EEPD1: variants seen among roughly 807,000 people sequenced by gnomAD.
EEPD1 encodes the protein endonuclease/exonuclease/phosphatase family domain-containing protein 1.
Under a neutral mutation model 46.3 loss-of-function variants are expected in EEPD1, and 17 were observed. The observed-to-expected ratio is 0.37, with a 90% CI of 0.25 to 0.55. The LOEUF (loss-of-function observed/expected upper bound fraction) is 0.55. EEPD1 is among the 20% of genes least tolerant of loss of function. The probability of loss-of-function intolerance (pLI) is 0.83; values close to 1 mark genes in which losing one functional copy is unlikely to be tolerated. For synonymous variants in EEPD1, 313 were observed against 315.6 expected, an observed-to-expected ratio of 0.99 and a Z score of 0.09; for missense variants, 673 against 745.6, an observed-to-expected ratio of 0.90 and a Z score of 1.13.
intron 2 of EEPD1, among the ~76,000 whole-genome samples, chr7:36,197,133 T>C (rs1208382127): frequency 1.4e-5 from 2 of 141,522 alleles, no homozygotes; most frequent in South Asian, 2.4e-4. Context: ...ACCCTCCGCC[T>C]GGCAACCGCC....
chr7:36,172,876 C>G (rs191012797), intron 2 of EEPD1, among the ~76,000 whole-genome samples: 1 of 133,454 alleles, frequency 7.5e-6, no homozygotes, highest in Non-Finnish European at 1.5e-5. Flanking sequence ...CTCAGACTTA[C>G]GACTAGTGTC....
chr7:36,282,835 A>C (rs1787281425), intron 4 of EEPD1, among the ~76,000 whole-genome samples: 1 of 152,222 alleles, frequency 6.6e-6, no homozygotes, highest in Non-Finnish European at 1.5e-5. Flanking sequence ...TTGTGGGCCC[A>C]ATGTGGCCAA....
intron 2 of EEPD1, among the ~76,000 whole-genome samples, chr7:36,219,777 G>A (rs1030337684): frequency 9.9e-6 from 1 of 101,484 alleles, no homozygotes; most frequent in African/African-American, 5.1e-5. Flanking sequence ...GAGAGAGAAA[G>A]AGAGAGAGAG....
chr7:36,279,935 C>A lies in EEPD1; in HGVS notation c.931-1180C>A, dbSNP rs543132932. 4.6e-5 allele frequency among the ~76,000 whole-genome samples: 7 copies of A among 152,230 alleles called. No homozygotes were observed. The East Asian group carries it at 9.7e-4, about 21-fold the overall frequency. On this transcript the variant is annotated intron_variant, in intron 3 of 7. Transcript: ENST00000242108. ...GACTTCTTAGAAGCTATGCCAGTGA[C>A]CCCCGTGAGAGAAGACAGGACTCTG...
At chr7:36,265,227 C>T (rs1186449757) in intron 3 of EEPD1, among the ~76,000 whole-genome samples, 2 of 152,246 alleles carry the variant, frequency 1.3e-5, no homozygotes, top group African/African-American at 2.4e-5. Context: ...ACTCTGGCTT[C>T]TTCACAGAAA....
rs570982952 is a variant in EEPD1 at position 36,167,764 on chromosome 7, G to T, written c.878+12562G>T. On this transcript the variant is annotated intron_variant, in intron 2 of 7. Transcript: ENST00000242108. ...AGAGTCTCTCTCTGTGGCCCAGGCT[G>T]AAGTGCAGTGGCGCCATCTCAGCTC... is the stretch of plus-strand genomic sequence containing the variant. 7.2e-5 allele frequency among the ~76,000 whole-genome samples: 11 copies of T among 152,252 alleles called. No homozygotes were observed. In the East Asian group the frequency reaches 2.1e-3, roughly 29 times the overall value.
chr7:36,197,270 G>C (rs553086052), intron 2 of EEPD1, among the ~76,000 whole-genome samples: 3 of 142,410 alleles, frequency 2.1e-5, no homozygotes, highest in African/African-American at 8.4e-5. Flanking sequence ...CCGGGCAGCC[G>C]CCCCGTCCGG....
At chr7:36,188,945 A>G (rs1562679196) in intron 2 of EEPD1, among the ~76,000 whole-genome samples, 1 of 152,202 alleles carries the variant, frequency 6.6e-6, no homozygotes, top group Non-Finnish European at 1.5e-5. Context: ...ATTATAAGTT[A>G]TTAGTGAATA....
intron 3 of EEPD1, among the ~76,000 whole-genome samples, chr7:36,251,039 T>C (rs1352520861): frequency 6.6e-6 from 1 of 152,216 alleles, no homozygotes; most frequent in Non-Finnish European, 1.5e-5. Flanking sequence ...GACAATATCA[T>C]GTCCCACTGG....
intron 5 of EEPD1, among the ~76,000 whole-genome samples, chr7:36,285,382 G>A (rs1182279380): frequency 2.0e-5 from 3 of 152,138 alleles, no homozygotes; most frequent in Non-Finnish European, 2.9e-5. Flanking sequence ...TGGGTTTGGA[G>A]GGGATTCAGG....
rs140756087 is a variant in EEPD1 at position 36,281,147 on chromosome 7, C to T, written c.963C>T (p.Pro321=). ...CGGAGCTAAACCAGCCGACCCTGCCCAACATCCGCAAGTGGAAGGGGCCCC... is the reference window on the plus strand; with the variant it reads ...CGGAGCTAAACCAGCCGACCCTGCCTAACATCCGCAAGTGGAAGGGGCCCC... ...FCTELNQPTL[P]NIRKWKGPRG... is the part of the protein sequence containing the mutation. The change falls in exon 4 of 8, where the codon CCC becomes CCT. Residue 321 remains proline (P), a synonymous_variant. Transcript: ENST00000242108. The T allele has an allele frequency of 9.5e-5, 153 of 1,614,046 alleles. No individual in the cohort carries two copies. The highest frequency in any genetic ancestry group is 1.2e-4 in the Non-Finnish European group (137 of 1,180,048).
At position 36,225,677 on chromosome 7, in the gene EEPD1, A is replaced by T. The variant is rs1786220881; in HGVS notation, c.879-13308A>T. Among the ~76,000 whole-genome samples, 1 of 151,840 alleles carries T rather than the reference A, an allele frequency of 6.6e-6. No individual in the cohort carries two copies. Among genetic ancestry groups the T allele is most frequent in the East Asian group, 1.9e-4 (1 of 5,194 alleles). Reference sequence around the variant, plus strand: ...CAGAAGATTAAAACATCTGGGAATTAAAAAAAAATTTGGCTCTATTCCCAG... The same window carrying T: ...CAGAAGATTAAAACATCTGGGAATTTAAAAAAAATTTGGCTCTATTCCCAG... On this transcript the variant is annotated intron_variant, in intron 2 of 7. Transcript: ENST00000242108. This position sits in a 1 kb window ranked among gnomAD's most constrained non-coding sequence, Gnocchi z 4.2.
intron 3 of EEPD1, among the ~76,000 whole-genome samples, chr7:36,240,669 A>T (rs761973516): frequency 6.6e-6 from 1 of 152,244 alleles, no homozygotes; most frequent in African/African-American, 2.4e-5. Context: ...TATTGTATTA[A>T]CATTAACATT....
At chr7:36,289,196 A>G (rs1164401140) in intron 6 of EEPD1, among the ~76,000 whole-genome samples, 1 of 152,230 alleles carries the variant, frequency 6.6e-6, no homozygotes, top group Non-Finnish European at 1.5e-5. Context: ...AAAATTTACC[A>G]TTTTAATCAT....
At position 36,249,087 on chromosome 7, in the gene EEPD1, G is replaced by A. The variant is rs116219816; in HGVS notation, c.930+10051G>A. On this transcript the variant is annotated intron_variant, in intron 3 of 7. Transcript: ENST00000242108. ...CACAAGATATCAGGTATATTCAGGG[G>A]CTCTCACTACCTTTTTCTTTTTATG... Among the ~76,000 whole-genome samples, 867 of 150,322 alleles carry A rather than the reference G, an allele frequency of 5.8e-3. 6 individuals carry two copies. Among genetic ancestry groups the A allele is most frequent in the African/African-American group, 0.02 (825 of 40,856 alleles).
intron 2 of EEPD1, among the ~76,000 whole-genome samples, chr7:36,236,950 C>T (rs893685651): frequency 2.0e-5 from 3 of 152,250 alleles, no homozygotes; most frequent in African/African-American, 4.8e-5. Context: ...CCATACCAGG[C>T]TGTGGAAGCT....
chr7:36,236,693 A>T (rs139066602), intron 2 of EEPD1, among the ~76,000 whole-genome samples: 870 of 152,282 alleles, frequency 5.7e-3, no homozygotes, highest in Non-Finnish European at 9.7e-3. Flanking sequence ...TGTCTAGCTC[A>T]TTGGATGGGG....
At chr7:36,259,956 A>G (rs1366586890) in intron 3 of EEPD1, among the ~76,000 whole-genome samples, 5 of 152,176 alleles carry the variant, frequency 3.3e-5, no homozygotes, top group Non-Finnish European at 7.3e-5. Flanking sequence ...ACTATTTGGT[A>G]TACTTCCTCA....
intron 6 of EEPD1, among the ~76,000 whole-genome samples, chr7:36,288,604 C>A (rs775353499): frequency 1.3e-5 from 2 of 151,608 alleles, no homozygotes; most frequent in Non-Finnish European, 2.9e-5. Flanking sequence ...CTACAAAGAA[C>A]GAAAAAAATT....
Sources: gnomAD v4.1 joint callset for allele counts (sites outside exome capture counted in the v4.1 genomes callset) on GRCh38, gnomAD v4.1.1 for gene constraint, Gnocchi (gnomAD v3.1) non-coding constraint, MANE v1.5 for transcripts, NCBI Gene and HGNC (gene_info 2026-07-23, HGNC 2026-07-21) for gene names.